The following OPCML variants were observed in gnomAD, a reference collection of about 807,000 sequenced individuals.
OPCML encodes the protein opioid-binding protein/cell adhesion molecule.
A neutral mutation model predicts 37.8 loss-of-function variants in OPCML; 13 were observed. The ratio of observed to expected loss-of-function variants is 0.34; its 90% CI spans 0.22 to 0.55. The LOEUF (loss-of-function observed/expected upper bound fraction) is 0.55. Ranked by LOEUF, OPCML falls within the 20% of genes least tolerant of loss-of-function variation. OPCML has a pLI of 0.91. For missense variants in OPCML, 341 were observed against 435.6 expected (o/e 0.78, Z 1.93); for synonymous variants, 176 against 168.8 (o/e 1.04, Z -0.33).
intron 2 of OPCML, among the ~76,000 whole-genome samples, chr11:132,813,088 G>T (rs1472751645): frequency 6.6e-6 from 1 of 151,982 alleles, no homozygotes; most frequent in African/African-American, 2.4e-5. Context: ...ATTCAAATAG[G>T]TTCTCTTTTT....
chr11:132,680,402 C>T (rs1942889562), intron 2 of OPCML, among the ~76,000 whole-genome samples: 2 of 152,242 alleles, frequency 1.3e-5, no homozygotes, highest in Admixed American at 6.5e-5. Flanking sequence ...GAGAGAAACC[C>T]ACCCCTTGAA....
intron 4 of OPCML, among the ~76,000 whole-genome samples, chr11:132,458,578 C>T (rs775132287): frequency 3.9e-5 from 6 of 152,118 alleles, no homozygotes; most frequent in Admixed American, 1.3e-4. Flanking sequence ...TAACAACTTG[C>T]TTTGTAGTAT....
intron 1 of OPCML, among the ~76,000 whole-genome samples, chr11:133,288,778 C>A (rs2155534): frequency 0.36 from 54,866 of 151,972 alleles, 11,279 homozygotes; most frequent in East Asian, 0.76. Flanking sequence ...GCTAGAATTG[C>A]GAGAGACCTC....
At chr11:133,314,232 C>CAAAA (rs59843718) in intron 1 of OPCML, among the ~76,000 whole-genome samples, 7 of 49,776 alleles carry the variant, frequency 1.4e-4, no homozygotes, top group Admixed American at 3.0e-4. Flanking sequence ...GACTCCGTCT[C>CAAAA]AAAAAAAAAA....
chr11:133,359,728 T>G (rs1944372199), intron 1 of OPCML, among the ~76,000 whole-genome samples: 1 of 152,218 alleles, frequency 6.6e-6, no homozygotes. Context: ...TTTATGAATG[T>G]CTCCACATTT....
intron 1 of OPCML, among the ~76,000 whole-genome samples, chr11:133,307,757 A>G (rs1186318396): frequency 6.6e-6 from 1 of 152,188 alleles, no homozygotes; most frequent in African/African-American, 2.4e-5. Flanking sequence ...TGCCACATTC[A>G]CAGTGGAAGT....
chr11:132,882,946 G>A (rs755756270), intron 2 of OPCML, among the ~76,000 whole-genome samples: 38 of 152,188 alleles, frequency 2.5e-4, no homozygotes, highest in South Asian at 8.3e-4. Context: ...TTGCATTCAT[G>A]AATTTGAATG....
intron 2 of OPCML, among the ~76,000 whole-genome samples, chr11:132,709,845 C>A (rs1793284): frequency 6.6e-6 from 1 of 152,066 alleles, no homozygotes; most frequent in East Asian, 1.9e-4. Context: ...TAAGACCGTG[C>A]GAATATCCTG....
chr11:133,065,852 G>GC (rs1327284979), intron 1 of OPCML: 4 of 152,766 alleles, frequency 2.6e-5, no homozygotes, highest in African/African-American at 9.7e-5. Flanking sequence ...ACGTTCCCTT[G>GC]CCCGAAGCTC....
Position 133,390,874 on chromosome 11 carries a change from G to A in OPCML, c.61+141390C>T, listed in dbSNP as rs150050825. On this transcript the variant is annotated intron_variant, in intron 1 of 7. Transcript: ENST00000524381. Reference sequence around the variant, plus strand: ...ACTATAGGCCCCTCCATTCCACTCTGGCCAGGCAACTGCAAGGAGCAATAA... The same window carrying A: ...ACTATAGGCCCCTCCATTCCACTCTAGCCAGGCAACTGCAAGGAGCAATAA... 9.4e-4 allele frequency among the ~76,000 whole-genome samples: 143 copies of A among 152,246 alleles called. 1 individual carries two copies. The East Asian group carries it at 0.024, about 26-fold the overall frequency.
intron 1 of OPCML, among the ~76,000 whole-genome samples, chr11:133,141,678 G>A (rs943003229): frequency 1.3e-5 from 2 of 152,158 alleles, no homozygotes; most frequent in Admixed American, 1.3e-4. Context: ...TCCAGGGACA[G>A]CATAAGTTAT....
At chr11:132,606,865 G>A (rs145660911) in intron 3 of OPCML, among the ~76,000 whole-genome samples, 11 of 152,218 alleles carry the variant, frequency 7.2e-5, no homozygotes, top group East Asian at 3.9e-4. Flanking sequence ...CCCACCCACC[G>A]CTCACCCCAG....
intron 1 of OPCML, among the ~76,000 whole-genome samples, chr11:132,949,992 C>T (rs59640187): frequency 1.3e-5 from 2 of 152,114 alleles, no homozygotes; most frequent in Admixed American, 6.5e-5. Context: ...GACTGATCGG[C>T]TGAGTGAAGG....
rs1322201792 is a variant in OPCML, at chr11:133,055,353, T to C, written c.62-112343A>G. Among the ~76,000 whole-genome samples, 204 of 121,744 alleles carry C rather than the reference T, an allele frequency of 1.7e-3. 1 individual carries two copies. The highest frequency in any genetic ancestry group is 6.8e-3 in the Middle Eastern group (1 of 148). 79.9% of individuals were successfully genotyped at this position (121,744 alleles called of 152,430 possible). ...GACTCCATGAGGGAGCCACCTCTAC[T>C]GTACAATGCTGCCTCCATGATACTT... On this transcript the variant is annotated intron_variant, in intron 1 of 7. Transcript: ENST00000524381.
chr11:132,613,387 C>T (rs1340221972), intron 3 of OPCML, among the ~76,000 whole-genome samples: 2 of 152,200 alleles, frequency 1.3e-5, no homozygotes, highest in African/African-American at 2.4e-5. Context: ...TCAAAGACAG[C>T]TATATTTTCA....
At chr11:132,427,735 T>C (rs1437824283) in intron 7 of OPCML, among the ~76,000 whole-genome samples, 1 of 152,220 alleles carries the variant, frequency 6.6e-6, no homozygotes, top group Non-Finnish European at 1.5e-5. Context: ...TGTGCTGACA[T>C]CAGCACACCC....
At chr11:133,008,441 T>C (rs1257128333) in intron 1 of OPCML, 4 of 984,942 alleles carry the variant, frequency 4.1e-6, no homozygotes, top group Non-Finnish European at 4.8e-6. Context: ...TTTTTCTGAT[T>C]GTGGTAGATG....
At chr11:132,489,662 C>CATTATT (rs59932936) in intron 4 of OPCML, among the ~76,000 whole-genome samples, 14 of 151,416 alleles carry the variant, frequency 9.2e-5, no homozygotes, top group African/African-American at 2.9e-4. Flanking sequence ...GTCTGTGGCC[C>CATTATT]ATTATTATTA....
At chr11:133,296,729 T>C (rs913613771) in intron 1 of OPCML, among the ~76,000 whole-genome samples, 5 of 152,182 alleles carry the variant, frequency 3.3e-5, no homozygotes, top group African/African-American at 1.2e-4. Flanking sequence ...ATAAAATACA[T>C]TTTAAGACTG....
Sources: allele counts gnomAD v4.1 joint callset (sites outside exome capture counted in the v4.1 genomes callset), GRCh38; gene constraint gnomAD v4.1.1; transcripts MANE v1.5; gene names NCBI Gene and HGNC (gene_info 2026-07-23, HGNC 2026-07-21).